LRP1B: variants seen among roughly 807,000 people sequenced by gnomAD.
LRP1B encodes LDL receptor related protein 1B.
LRP1B carries 217 observed loss-of-function variants against 556.6 expected under a neutral mutation model. That is an observed-to-expected ratio of 0.39 (90% CI 0.35 to 0.44). LRP1B has a LOEUF of 0.44. Among genes scored for constraint, LRP1B ranks in the 20% least tolerant of loss-of-function variants. The pLI is 1.00. For synonymous variants in LRP1B, 2,047 were observed against 1,865.8 expected (o/e 1.10, Z -2.50); for missense variants, 5,053 against 5,620.8 (o/e 0.90, Z 3.23).
intron 3 of LRP1B, among the ~76,000 whole-genome samples, chr2:141,419,746 T>TCTCATTTATTTCTGC (rs1195990040): frequency 2.0e-5 from 3 of 152,142 alleles, no homozygotes; most frequent in Non-Finnish European, 2.9e-5. Context: ...TATATTTCTA[T>TCTCATTTATTTCTGC]CTCATTTATT....
intron 3 of LRP1B, among the ~76,000 whole-genome samples, chr2:141,274,197 A>T (rs1423264413): frequency 6.6e-6 from 1 of 152,228 alleles, no homozygotes; most frequent in Non-Finnish European, 1.5e-5. Flanking sequence ...TGTCCCAACA[A>T]TTCTACTCTT....
chr2:140,809,246 T>TA (rs906060114), intron 32 of LRP1B, among the ~76,000 whole-genome samples: 4 of 151,452 alleles, frequency 2.6e-5, no homozygotes, highest in South Asian at 4.2e-4. Context: ...GGTATTTTTT[T>TA]AAAAAAAAAT....
intron 60 of LRP1B, among the ~76,000 whole-genome samples, 194 bp downstream of exon 60, chr2:140,474,944 A>G (rs1291958541): frequency 6.6e-6 from 1 of 150,716 alleles, no homozygotes; most frequent in Admixed American, 6.6e-5. Flanking sequence ...GATAGTGTAA[A>G]ATATCTTGTG....
Position 140,450,555 on chromosome 2 carries a change from C to A in LRP1B, c.10057+13G>T, listed in dbSNP as rs2105313664. ...TCTAAATTCTAAATTTCAATATTTG[C>A]CAGTATACTCACGACAGTCATCAGG... On this transcript the variant is annotated intron_variant, in intron 63 of 90. Coordinates refer to ENST00000389484, the MANE Select transcript of LRP1B (RefSeq NM_018557.3). 1 of 1,578,692 alleles carries A rather than the reference C, an allele frequency of 6.3e-7. No individual in the cohort carries two copies. Among genetic ancestry groups the A allele is most frequent in the East Asian group, 2.2e-5 (1 of 44,622 alleles).
chr2:141,343,987 A>T (rs1688158167), intron 3 of LRP1B, among the ~76,000 whole-genome samples: 4 of 152,066 alleles, frequency 2.6e-5, no homozygotes, highest in African/African-American at 9.7e-5. Flanking sequence ...TCCCCATGCC[A>T]CAGTCTGGAA....
At chr2:141,253,479 T>G (rs1684342324) in intron 4 of LRP1B, among the ~76,000 whole-genome samples, 1 of 152,134 alleles carries the variant, frequency 6.6e-6, no homozygotes. Context: ...CAAATGTAAC[T>G]GAAAAGTCAA....
chr2:141,270,484 T>C (rs1685048574), intron 3 of LRP1B, among the ~76,000 whole-genome samples: 1 of 152,078 alleles, frequency 6.6e-6, no homozygotes, highest in Admixed American at 6.5e-5. Context: ...TGTACAACCA[T>C]GCCCATAGCA....
At chr2:141,916,678 G>A (rs1285786683) in intron 1 of LRP1B, among the ~76,000 whole-genome samples, 4 of 151,542 alleles carry the variant, frequency 2.6e-5, no homozygotes, top group Non-Finnish European at 4.4e-5. Context: ...CACCGCGCCC[G>A]GCCCCACACC....
At chr2:141,979,959 CTCAT>C (rs1701997761) in intron 1 of LRP1B, among the ~76,000 whole-genome samples, 1 of 152,106 alleles carries the variant, frequency 6.6e-6, no homozygotes, top group South Asian at 2.1e-4. Context: ...TCTGTTCTCA[CTCAT>C]TAATATGTTT....
chr2:141,255,085 C>A (rs1573717811), intron 3 of LRP1B, among the ~76,000 whole-genome samples: 1 of 151,832 alleles, frequency 6.6e-6, no homozygotes, highest in Non-Finnish European at 1.5e-5. Context: ...TTTTATTTTT[C>A]TTTGGTAGAA....
intron 2 of LRP1B, among the ~76,000 whole-genome samples, chr2:141,672,959 C>T (rs1690729406): frequency 1.3e-5 from 2 of 152,264 alleles, no homozygotes; most frequent in South Asian, 4.2e-4. Flanking sequence ...CCTGGTTTTA[C>T]AGACTTGTAC....
chr2:141,846,215 T>C (rs1011972586), intron 1 of LRP1B, among the ~76,000 whole-genome samples: 6 of 151,752 alleles, frequency 4.0e-5, no homozygotes, highest in South Asian at 2.1e-4. Context: ...GGAAATTTTA[T>C]AGATGTTGTA....
intron 84 of LRP1B, among the ~76,000 whole-genome samples, chr2:140,279,032 AT>A (rs1030262870): frequency 6.6e-6 from 1 of 151,904 alleles, no homozygotes; most frequent in African/African-American, 2.4e-5. Flanking sequence ...TCTAGGGCCT[AT>A]TCTTCGACGT....
chr2:142,051,422 T>C (rs1704450376), intron 1 of LRP1B, among the ~76,000 whole-genome samples: 1 of 151,672 alleles, frequency 6.6e-6, no homozygotes, highest in South Asian at 2.1e-4. Flanking sequence ...TGGAGAATAA[T>C]GGTGGAAAAA....
At chr2:141,187,237 A>G (rs1375325233) in intron 7 of LRP1B, among the ~76,000 whole-genome samples, 3 of 152,096 alleles carry the variant, frequency 2.0e-5, no homozygotes, top group Non-Finnish European at 4.4e-5. Flanking sequence ...TTCAAGAATT[A>G]TATTACACAG....
intron 3 of LRP1B, among the ~76,000 whole-genome samples, chr2:141,343,976 C>G (rs543661677): frequency 1.3e-5 from 2 of 152,222 alleles, no homozygotes; most frequent in East Asian, 1.9e-4. Flanking sequence ...CTAGAGGAAC[C>G]TCCCCATGCC....
chr2:141,290,519 C>T (rs1462050210), intron 3 of LRP1B, among the ~76,000 whole-genome samples: 1 of 152,058 alleles, frequency 6.6e-6, no homozygotes, highest in Non-Finnish European at 1.5e-5. Flanking sequence ...ATAAATTCTA[C>T]AGCCTTGTCA....
intron 2 of LRP1B, among the ~76,000 whole-genome samples, chr2:141,761,359 C>A (rs1355410310): frequency 2.7e-5 from 4 of 148,246 alleles, no homozygotes; most frequent in African/African-American, 7.4e-5. Flanking sequence ...AATCCTAAGT[C>A]AAAAAAAAAA....
At position 140,939,069 on chromosome 2, in the gene LRP1B, C is replaced by T. The variant is rs183044997; in HGVS notation, c.3136+11166G>A. Among the ~76,000 whole-genome samples the T allele has an allele frequency of 5.9e-5, 9 of 151,952 alleles. No individual in the cohort carries two copies. In the East Asian group the frequency reaches 1.4e-3, roughly 23 times the overall value. ...TGATTAGTCTTGTATATTATGATAA[C>T]ACTAAACTCTGTGATCTGGGGGTAA... On this transcript the variant is annotated intron_variant, in intron 20 of 90. Transcript: ENST00000389484.
Sources: allele counts gnomAD v4.1 joint callset (sites outside exome capture counted in the v4.1 genomes callset), GRCh38; gene constraint gnomAD v4.1.1; transcripts MANE v1.5; gene names NCBI Gene and HGNC (gene_info 2026-07-23, HGNC 2026-07-21).